The following SLIT3 variants were observed in gnomAD, a reference collection of about 807,000 sequenced individuals.
SLIT3 encodes slit homolog 3 protein.
Under a neutral mutation model 184.0 loss-of-function variants are expected in SLIT3, and 68 were observed. The ratio of observed to expected loss-of-function variants is 0.37; its 90% CI spans 0.30 to 0.45. SLIT3 has a LOEUF of 0.45. SLIT3 is among the 20% of genes least tolerant of loss of function. The pLI is 1.00. For missense variants in SLIT3, 1,707 were observed against 2,026.0 expected (o/e 0.84, Z 3.02); for synonymous variants, 831 against 828.6 (o/e 1.00, Z -0.05).
chr5:168,738,198 T>A (rs1050180506), intron 20 of SLIT3, among the ~76,000 whole-genome samples: 1 of 152,202 alleles, frequency 6.6e-6, no homozygotes, highest in Admixed American at 6.5e-5. Flanking sequence ...TTATTTTCCT[T>A]TTGCCCTGTG....
At chr5:169,208,167 A>G (rs751237970) in intron 3 of SLIT3, among the ~76,000 whole-genome samples, 2 of 152,230 alleles carry the variant, frequency 1.3e-5, no homozygotes, top group Non-Finnish European at 2.9e-5. Context: ...TTATAAATTA[A>G]GAAATTCATA....
In SLIT3 at chr5:169,183,988, C is replaced by T. The variant is rs532786642; in HGVS notation, c.413+9491G>A. Among the ~76,000 whole-genome samples the T allele has an allele frequency of 3.9e-5, 6 of 152,218 alleles. No individual in the cohort carries two copies. The South Asian group carries it at 1.2e-3, about 32-fold the overall frequency. On this transcript the variant is annotated intron_variant, in intron 4 of 35. Transcript: ENST00000519560. The stretch of plus-strand genomic sequence containing the variant: ...TGTACTTCTCAGTACAAGTATTGCC[C>T]GATCACTTTAGAAAACTCTTCTGCT...
chr5:169,271,835 A>G (rs1030250025), intron 1 of SLIT3, among the ~76,000 whole-genome samples: 2 of 152,216 alleles, frequency 1.3e-5, no homozygotes, highest in African/African-American at 4.8e-5. Flanking sequence ...TTATCTACAG[A>G]GGCCTTGCCG....
At chr5:168,847,622 G>C (rs1581141672) in intron 5 of SLIT3, among the ~76,000 whole-genome samples, 1 of 152,226 alleles carries the variant, frequency 6.6e-6, no homozygotes, top group Non-Finnish European at 1.5e-5. Context: ...GGTTCAGACA[G>C]GTTTCTTTTT....
chr5:169,096,892 C>T (rs1241962709), intron 4 of SLIT3, among the ~76,000 whole-genome samples: 1 of 152,184 alleles, frequency 6.6e-6, no homozygotes, highest in Non-Finnish European at 1.5e-5. Flanking sequence ...TCCAAGCCTG[C>T]ATTTTTAACC....
chr5:169,175,215 A>T (rs1222630880), intron 4 of SLIT3, among the ~76,000 whole-genome samples: 5 of 152,112 alleles, frequency 3.3e-5, no homozygotes, highest in Non-Finnish European at 7.3e-5. Context: ...CTTACAATAC[A>T]CCATTATCCT....
rs148464685 is a variant in SLIT3 at position 168,663,392 on chromosome 5, A to G, written c.*3062T>C. ...GAGCAGAGCTTCTAAGCTACCATAG[A>G]CATTTGTGATCCATCTGGCCGGCAG... On this transcript the variant is annotated 3_prime_UTR_variant, in exon 36 of 36. Coordinates refer to ENST00000519560, the MANE Select transcript of SLIT3 (RefSeq NM_003062.4). The G allele has an allele frequency of 6.6e-5, 10 of 152,336 alleles. No homozygotes were observed. In the East Asian group the frequency reaches 1.4e-3, roughly 21 times the overall value. The allele number at this position is 152,336 out of a possible 1,614,324, so 9.4% of individuals were successfully genotyped here.
intron 4 of SLIT3, among the ~76,000 whole-genome samples, chr5:169,117,701 T>G (rs1300150342): frequency 6.6e-6 from 1 of 152,214 alleles, no homozygotes; most frequent in Non-Finnish European, 1.5e-5. Flanking sequence ...GTTCCCGTTC[T>G]TTGGAGATAT....
At chr5:168,761,029 A>C in intron 15 of SLIT3, 93 bp from the exon 16 acceptor site, 2 of 933,240 alleles carry the variant, frequency 2.1e-6, no homozygotes, top group Non-Finnish European at 3.5e-6. Flanking sequence ...CCTGAACCTC[A>C]CACTCGGTGA....
chr5:168,947,552 A>C (rs1762520544), intron 4 of SLIT3, among the ~76,000 whole-genome samples: 1 of 152,180 alleles, frequency 6.6e-6, no homozygotes, highest in African/African-American at 2.4e-5. Flanking sequence ...TTTCTGCCCC[A>C]CAGCTGTGCC....
chr5:168,740,095 T>C (rs1763574597), intron 20 of SLIT3, among the ~76,000 whole-genome samples: 1 of 152,206 alleles, frequency 6.6e-6, no homozygotes, highest in Non-Finnish European at 1.5e-5. Context: ...TGGATGCTTC[T>C]GAAAAGCATA....
intron 4 of SLIT3, among the ~76,000 whole-genome samples, chr5:169,141,210 CCA>C (rs1761724610): frequency 6.6e-6 from 1 of 152,082 alleles, no homozygotes; most frequent in Non-Finnish European, 1.5e-5. Flanking sequence ...GACATGACCC[CCA>C]AATCATGGAA....
At chr5:169,259,019 G>T (rs1334406778) in intron 1 of SLIT3, among the ~76,000 whole-genome samples, 1 of 152,166 alleles carries the variant, frequency 6.6e-6, no homozygotes, top group East Asian at 1.9e-4. Flanking sequence ...TGTGACTTTT[G>T]TAAAACATGA....
At chr5:168,864,178 G>A (rs144088631) in intron 5 of SLIT3, among the ~76,000 whole-genome samples, 2,472 of 152,232 alleles carry the variant, frequency 0.016, 71 homozygotes, top group African/African-American at 0.055. Flanking sequence ...CAGCCCGGCC[G>A]ACAAAGTGAG....
chr5:168,871,449 T>C (rs947150508), intron 5 of SLIT3, among the ~76,000 whole-genome samples: 2 of 152,142 alleles, frequency 1.3e-5, no homozygotes, highest in Non-Finnish European at 2.9e-5. Flanking sequence ...TTCCATGTCT[T>C]GGTGGGGACA....
intron 8 of SLIT3, among the ~76,000 whole-genome samples, chr5:168,812,192 G>C (rs1205779962): frequency 2.0e-5 from 3 of 152,178 alleles, no homozygotes; most frequent in Non-Finnish European, 2.9e-5. Context: ...TGCTTACCAG[G>C]GCCTGGGGAG....
intron 4 of SLIT3, among the ~76,000 whole-genome samples, chr5:169,021,676 T>C (rs1756603524): frequency 6.6e-6 from 1 of 152,158 alleles, no homozygotes; most frequent in Admixed American, 6.5e-5. Context: ...AATAGTAACC[T>C]ATGTGTTGCT....
At chr5:168,934,212 T>A (rs79625184) in intron 4 of SLIT3, among the ~76,000 whole-genome samples, 8,848 of 152,190 alleles carry the variant, frequency 0.058, 399 homozygotes, top group East Asian at 0.13. Flanking sequence ...TCACCTGCCA[T>A]CAACTCCCCA....
intron 9 of SLIT3, among the ~76,000 whole-genome samples, chr5:168,799,809 A>T (rs901495738): frequency 1.3e-5 from 2 of 152,202 alleles, no homozygotes; most frequent in African/African-American, 4.8e-5. Flanking sequence ...ACTATGAACC[A>T]AGTAGTATTA....
Sources: allele counts gnomAD v4.1 joint callset (sites outside exome capture counted in the v4.1 genomes callset), GRCh38; gene constraint gnomAD v4.1.1; transcripts MANE v1.5; gene names NCBI Gene and HGNC (gene_info 2026-07-23, HGNC 2026-07-21).